The following DLGAP4 variants were observed in gnomAD, a reference collection of about 807,000 sequenced individuals.
DLGAP4 encodes DLG associated protein 4.
DLGAP4 carries 18 observed loss-of-function variants against 86.9 expected under a neutral mutation model. The observed-to-expected ratio is 0.21, with a 90% CI of 0.14 to 0.31. The LOEUF is 0.31. Ranked by LOEUF, DLGAP4 falls within the 10% of genes least tolerant of loss-of-function variation. The probability of loss-of-function intolerance (pLI) is 1.00; values close to 1 mark genes in which losing one functional copy is unlikely to be tolerated. For synonymous variants in DLGAP4, 548 were observed against 574.3 expected, an observed-to-expected ratio of 0.95 and a Z score of 0.65; for missense variants, 1,085 against 1,362.6, an observed-to-expected ratio of 0.80 and a Z score of 3.21.
At chr20:36,525,035 G>T (rs963796105) in intron 11 of DLGAP4, among the ~76,000 whole-genome samples, 57 of 150,836 alleles carry the variant, frequency 3.8e-4, no homozygotes, top group African/African-American at 1.3e-3. Context: ...TGGCTAACAC[G>T]GTGAAACCCC....
chr20:36,454,187 A>T (rs1185748143), intron 7 of DLGAP4, among the ~76,000 whole-genome samples: 3 of 150,224 alleles, frequency 2.0e-5, no homozygotes, highest in Admixed American at 6.7e-5. Flanking sequence ...TGAACCTGGG[A>T]GGCAGAGGTT....
intron 1 of DLGAP4, among the ~76,000 whole-genome samples, chr20:36,330,264 G>C (rs544019507): frequency 2.0e-5 from 3 of 152,288 alleles, no homozygotes; most frequent in African/African-American, 7.2e-5. Flanking sequence ...GGTTTTGTGG[G>C]GGAGGTTCTG....
intron 2 of DLGAP4, among the ~76,000 whole-genome samples, chr20:36,385,312 C>G (rs2031555214): frequency 6.6e-6 from 1 of 152,148 alleles, no homozygotes; most frequent in Non-Finnish European, 1.5e-5. Context: ...GTTTTTCCAC[C>G]TCTAGCTTAG....
At chr20:36,345,920 G>C (rs568919605) in intron 1 of DLGAP4, among the ~76,000 whole-genome samples, 1 of 152,166 alleles carries the variant, frequency 6.6e-6, no homozygotes, top group East Asian at 1.9e-4. Flanking sequence ...ACCACACCAG[G>C]CTAACTTTTT....
chr20:36,442,785 T>C lies in DLGAP4; in HGVS notation c.1407+8T>C. 1 of 1,614,192 alleles carries C rather than the reference T, an allele frequency of 6.2e-7. No homozygotes were observed. Among genetic ancestry groups the C allele is most frequent in the Non-Finnish European group, 8.5e-7 (1 of 1,180,028 alleles). ...TTTGGCCATGAGCAGCAGGTCAGTA[T>C]GTTTGCCCTTCTCTTCCACCCCAAT... On this transcript the variant is annotated splice_region_variant and intron_variant, in intron 6 of 12. Transcript: ENST00000339266.
intron 7 of DLGAP4, among the ~76,000 whole-genome samples, chr20:36,460,392 G>A (rs2033993085): frequency 6.6e-6 from 1 of 152,186 alleles, no homozygotes; most frequent in Non-Finnish European, 1.5e-5. Flanking sequence ...CACAGTGCCT[G>A]GATTCAAAAC....
At chr20:36,358,479 C>A (rs2030406647) in intron 1 of DLGAP4, among the ~76,000 whole-genome samples, 1 of 152,216 alleles carries the variant, frequency 6.6e-6, no homozygotes, top group Non-Finnish European at 1.5e-5. Context: ...AGGGATTCGG[C>A]AACTATTTCT....
At chr20:36,519,957 G>GT (rs58243787) in intron 10 of DLGAP4, among the ~76,000 whole-genome samples, 3,950 of 138,128 alleles carry the variant, frequency 0.029, 130 homozygotes, top group African/African-American at 0.091. Context: ...TGCCCAGTTT[G>GT]TTTTTTTTTT....
chr20:36,518,146 C>T (rs1404673680), intron 10 of DLGAP4, among the ~76,000 whole-genome samples: 9 of 151,540 alleles, frequency 5.9e-5, no homozygotes, highest in Admixed American at 3.9e-4. Flanking sequence ...TGCTTGAACT[C>T]GGGAGGCAGA....
At chr20:36,386,153 GCAGCC>G (rs2031588524) in intron 2 of DLGAP4, among the ~76,000 whole-genome samples, 1 of 152,192 alleles carries the variant, frequency 6.6e-6, no homozygotes, top group Non-Finnish European at 1.5e-5. Flanking sequence ...GAACCTTTCA[GCAGCC>G]CATGCAGCCA....
Position 36,527,119 on chromosome 20 carries a change from A to ATGGTTATTC in DLGAP4, c.*91_*99dup. On this transcript the variant is annotated 3_prime_UTR_variant, in exon 13 of 13. Transcript: ENST00000339266. ...GAACAGAGTTTTCTCAACCTTTGCT[A>ATGGTTATTC]TGGTTATTCTGTCTAGAGACCCTGA... 7.3e-7 allele frequency: 1 copy of ATGGTTATTC among 1,368,972 alleles called. No individual in the cohort carries two copies. Among genetic ancestry groups the ATGGTTATTC allele is most frequent in the Non-Finnish European group, 9.8e-7 (1 of 1,019,138 alleles). The allele number at this position is 1,368,972 out of a possible 1,614,324, so 84.8% of individuals were successfully genotyped here.
At chr20:36,391,193 C>G (rs987701243) in intron 2 of DLGAP4, among the ~76,000 whole-genome samples, 2 of 152,178 alleles carry the variant, frequency 1.3e-5, no homozygotes, top group African/African-American at 4.8e-5. Flanking sequence ...CTGCAGTGGC[C>G]TGGGGACCTA....
intron 1 of DLGAP4, among the ~76,000 whole-genome samples, chr20:36,347,476 C>T (rs1385532384): frequency 6.6e-6 from 1 of 150,924 alleles, no homozygotes; most frequent in Non-Finnish European, 1.5e-5. Context: ...GTTGAGCACC[C>T]ACCATGTGCC....
intron 6 of DLGAP4, among the ~76,000 whole-genome samples, chr20:36,444,094 T>C (rs1046454703): frequency 1.3e-5 from 2 of 152,204 alleles, no homozygotes; most frequent in African/African-American, 4.8e-5. Context: ...AAGGGTCTCT[T>C]CATAACTTCA....
chr20:36,363,240 G>A (rs1555894370), intron 1 of DLGAP4, among the ~76,000 whole-genome samples: 2 of 152,232 alleles, frequency 1.3e-5, no homozygotes. Context: ...AAAAGGAGCA[G>A]GTGGGGGAGG....
intron 2 of DLGAP4, among the ~76,000 whole-genome samples, chr20:36,406,433 A>G (rs1461040649): frequency 1.3e-5 from 2 of 150,096 alleles, no homozygotes; most frequent in African/African-American, 2.5e-5. Flanking sequence ...CCTTGAAGTC[A>G]TGCTGGCTGA....
At chr20:36,481,468 TCA>T (rs1032636663) in intron 7 of DLGAP4, among the ~76,000 whole-genome samples, 2 of 152,212 alleles carry the variant, frequency 1.3e-5, no homozygotes, top group African/African-American at 4.8e-5. Flanking sequence ...TGCATATGTG[TCA>T]CACGCCCCGT....
At chr20:36,312,604 A>T (rs2065063007) in intron 1 of DLGAP4, among the ~76,000 whole-genome samples, 1 of 152,142 alleles carries the variant, frequency 6.6e-6, no homozygotes, top group African/African-American at 2.4e-5. Flanking sequence ...CCTGGTGTTT[A>T]AATGGAGCAA....
chr20:36,517,774 C>A (rs1465615156), intron 10 of DLGAP4, among the ~76,000 whole-genome samples: 1 of 152,018 alleles, frequency 6.6e-6, no homozygotes, highest in East Asian at 1.9e-4. Context: ...TAGTACACTG[C>A]CGGGTTTAAT....
Sources: gnomAD v4.1 joint callset for allele counts (sites outside exome capture counted in the v4.1 genomes callset) on GRCh38, gnomAD v4.1.1 for gene constraint, MANE v1.5 for transcripts, NCBI Gene and HGNC (gene_info 2026-07-23, HGNC 2026-07-21) for gene names.